The following NUP205 variants were observed in gnomAD, a reference collection of about 807,000 sequenced individuals.
NUP205 encodes nucleoporin 205, also known as nuclear pore complex protein Nup205.
A neutral mutation model predicts 253.8 loss-of-function variants in NUP205; 76 were observed. The observed-to-expected ratio is 0.30, with a 90% confidence interval of 0.25 to 0.36. The LOEUF is 0.36. NUP205 is among the 10% of genes least tolerant of loss of function. NUP205 has a pLI of 1.00. For synonymous variants in NUP205, 832 were observed against 850.1 expected (o/e 0.98, Z 0.37); for missense variants, 2,162 against 2,425.5 (o/e 0.89, Z 2.28).
At chr7:135,647,087 AGAAT>A (rs1333299523) in intron 42 of NUP205, among the ~76,000 whole-genome samples, 1 of 152,276 alleles carries the variant, frequency 6.6e-6, no homozygotes, top group Non-Finnish European at 1.5e-5. Flanking sequence ...CAGTAGTGTT[AGAAT>A]GAATGAAGAG....
At chr7:135,599,215 C>A (rs1036006960) in intron 15 of NUP205, among the ~76,000 whole-genome samples, 5 of 152,020 alleles carry the variant, frequency 3.3e-5, no homozygotes, top group Non-Finnish European at 7.4e-5. Context: ...GGATTTTTTT[C>A]ATGTCCTAAG....
intron 42 of NUP205, among the ~76,000 whole-genome samples, chr7:135,647,210 C>G (rs2129492741): frequency 6.6e-6 from 1 of 152,352 alleles, no homozygotes; most frequent in South Asian, 2.1e-4. Flanking sequence ...TGAATTACAG[C>G]TAGATCCTCT....
intron 15 of NUP205, chr7:135,598,792 T>A (rs1312309997): frequency 6.6e-6 from 1 of 152,642 alleles, no homozygotes; most frequent in Non-Finnish European, 1.5e-5. Flanking sequence ...ATTCCCATTT[T>A]ACAGATGGAG....
At chr7:135,639,365 A>G (rs1212690754) in intron 38 of NUP205, among the ~76,000 whole-genome samples, 1 of 152,224 alleles carries the variant, frequency 6.6e-6, no homozygotes, top group Non-Finnish European at 1.5e-5. Context: ...TGTGTTTAGT[A>G]TAATAATAGT....
At chr7:135,599,424 CACTTT>C (rs1320586008) in intron 15 of NUP205, among the ~76,000 whole-genome samples, 2 of 152,022 alleles carry the variant, frequency 1.3e-5, no homozygotes, top group Non-Finnish European at 2.9e-5. Context: ...GTGGGGTATA[CACTTT>C]ACTTAGGCTC....
chr7:135,607,559 T>A (rs1563126325), intron 22 of NUP205, among the ~76,000 whole-genome samples, 188 bp downstream of exon 22: 1 of 152,208 alleles, frequency 6.6e-6, no homozygotes, highest in Non-Finnish European at 1.5e-5. Flanking sequence ...GACCCAAATC[T>A]TATGTTAATC....
At position 135,600,952 on chromosome 7, in the gene NUP205, A is replaced by G. The variant is rs781475902; in HGVS notation, c.2357A>G (p.Gln786Arg). The G allele has an allele frequency of 6.2e-7, 1 of 1,601,420 alleles. No homozygotes were observed. The highest frequency in any genetic ancestry group is 2.2e-5 in the East Asian group (1 of 44,678). ...YEPQLEDFVD[Q>R]FVELQGEEII... is the part of the protein sequence containing the mutation. ...CCTCAGCTTGAAGATTTTGTAGACCAGTTTGTGGAACTACAAGGTAATTTA... is the reference window on the plus strand; with the variant it reads ...CCTCAGCTTGAAGATTTTGTAGACCGGTTTGTGGAACTACAAGGTAATTTA... Residue 786 changes from glutamine (Q) to arginine (R), a missense_variant, in exon 16 of 43, where the codon CAG (glutamine) becomes CGG (arginine). Physicochemically the swap from Gln to Arg is conservative, Grantham distance 43 (BLOSUM62 1). Around this residue, in one of 5 missense-constraint regions of NUP205, gnomAD observed 892 missense variants for 957.1 expected, o/e 0.93. Coordinates refer to ENST00000285968, the MANE Select transcript of NUP205 (RefSeq NM_015135.3).
In NUP205 at chr7:135,637,926, G is replaced by T. The variant is rs775997329; in HGVS notation, c.5137-5G>T. 5 of 1,599,150 alleles carry T rather than the reference G, an allele frequency of 3.1e-6. No homozygotes were observed. The highest frequency in any genetic ancestry group is 3.4e-6 in the Non-Finnish European group (4 of 1,176,086). ...ACATTTAACAAGATATCTTTTTCTT[G>T]TTAGCGCCAGTGCTTAGGACTACTA... On this transcript the variant is annotated splice_polypyrimidine_tract_variant and splice_region_variant and intron_variant, in intron 36 of 42. Coordinates refer to ENST00000285968, the MANE Select transcript of NUP205 (RefSeq NM_015135.3).
At position 135,638,600 on chromosome 7, in the gene NUP205, A is replaced by G. The variant is rs1490445501; in HGVS notation, c.5309A>G (p.Gln1770Arg). ...VMEYCQSLML[Q>R]SSPTFQHAVC... ...GAATATTGCCAGTCACTCATGTTAC[A>G]GAGTTCCCCTACCTTCCAGCATGCT... Residue 1770 changes from glutamine (Q) to arginine (R), a missense_variant, in exon 38 of 43, where the codon CAG becomes CGG. By Grantham distance (43) the Gln-to-Arg change is conservative (BLOSUM62 1). Transcript: ENST00000285968. 12 of 1,613,868 alleles carry G rather than the reference A, an allele frequency of 7.4e-6. 1 individual carries two copies. The Admixed American group carries it at 1.8e-4, about 25-fold the overall frequency.
chr7:135,576,090 C>A (rs1806142062), intron 3 of NUP205, among the ~76,000 whole-genome samples, 180 bp from the exon 4 acceptor site: 1 of 152,074 alleles, frequency 6.6e-6, no homozygotes, highest in South Asian at 2.1e-4. Flanking sequence ...TTGGATGGCC[C>A]TCGAATATGT....
Position 135,597,518 on chromosome 7 carries a change from A to G in NUP205, c.2064+100A>G, listed in dbSNP as rs544981959. ...CCCTTTTACGTTTCCATAATTATCAAATTTAATGTATTTTTATTTGAAGGG... is the reference window on the plus strand; with the variant it reads ...CCCTTTTACGTTTCCATAATTATCAGATTTAATGTATTTTTATTTGAAGGG... On this transcript the variant is annotated intron_variant, in intron 14 of 42. Coordinates refer to ENST00000285968, the MANE Select transcript of NUP205 (RefSeq NM_015135.3). 107 of 704,130 alleles carry G rather than the reference A, an allele frequency of 1.5e-4. No homozygotes were observed. The African/African-American group carries it at 1.7e-3, about 11-fold the overall frequency. The allele number at this position is 704,130 out of a possible 1,614,324, so 43.6% of individuals were successfully genotyped here.
In NUP205 at chr7:135,580,136, T is replaced by C. The variant is rs1806264300; in HGVS notation, c.1042+1221T>C. Among the ~76,000 whole-genome samples the C allele has an allele frequency of 3.3e-5, 5 of 152,256 alleles. No individual in the cohort carries two copies. The South Asian group carries it at 1.0e-3, about 31-fold the overall frequency. ...AAAGGCTTTATTCAAGTTTACAATT[T>C]ATGTCAGTTTTCTAATCCTAAAGTA... On this transcript the variant is annotated intron_variant, in intron 7 of 42. Transcript: ENST00000285968.
chr7:135,563,190 TA>T (rs1417191497), intron 1 of NUP205, among the ~76,000 whole-genome samples: 5 of 152,102 alleles, frequency 3.3e-5, no homozygotes, highest in Admixed American at 6.6e-5. Flanking sequence ...TATTTTTATT[TA>T]TTTTTTTATT....
intron 1 of NUP205, among the ~76,000 whole-genome samples, chr7:135,561,178 C>T (rs1805570448): frequency 6.6e-6 from 1 of 151,948 alleles, no homozygotes; most frequent in Non-Finnish European, 1.5e-5. Context: ...AACCCTGTCT[C>T]TACAAAAATA....
At position 135,602,990 on chromosome 7, in the gene NUP205, G is replaced by A; in HGVS notation, c.2698G>A (p.Ala900Thr). ...GAAGGCAGATAATGTGGTAAACATT[G>A]CCAGGTAAGTTACCTTTGTAGGTAG... ...TKKADNVVNI[A>T]RYLYHGNTNP... The change falls in exon 18 of 43, where the codon GCC (alanine) becomes ACC (threonine). Residue 900 changes from alanine (A) to threonine (T), a missense_variant. Physicochemically the swap from Ala to Thr is moderately conservative, Grantham distance 58 (BLOSUM62 0). Transcript: ENST00000285968. The A allele has an allele frequency of 6.2e-7, 1 of 1,604,898 alleles. No individual in the cohort carries two copies. The highest frequency in any genetic ancestry group is 8.5e-7 in the Non-Finnish European group (1 of 1,173,782).
chr7:135,614,183 T>G lies in NUP205; in HGVS notation c.3220T>G (p.Ser1074Ala). 1 of 1,605,458 alleles carries G rather than the reference T, an allele frequency of 6.2e-7. No individual in the cohort carries two copies. Among genetic ancestry groups the G allele is most frequent in the Non-Finnish European group, 8.5e-7 (1 of 1,172,394 alleles). Residue 1074 changes from serine to alanine, a missense_variant, in exon 23 of 43, where the codon TCT becomes GCT. Physicochemically the swap from Ser to Ala is moderately conservative, Grantham distance 99. Coordinates refer to ENST00000285968, the MANE Select transcript of NUP205 (RefSeq NM_015135.3). Reference protein sequence around the residue: ...YQVIYQLCACSDTSGPTMRYL... With the variant: ...YQVIYQLCACADTSGPTMRYL... ...GGTCATATATCAGTTATGTGCATGC[T>G]CTGATACATCTGGTCCTACTATGAG...
chr7:135,634,331 G>T (rs1794769773), intron 35 of NUP205, among the ~76,000 whole-genome samples: 1 of 152,214 alleles, frequency 6.6e-6, no homozygotes, highest in African/African-American at 2.4e-5. Context: ...CTGAGAACTG[G>T]AAGTCCTTTT....
intron 33 of NUP205, among the ~76,000 whole-genome samples, chr7:135,626,706 A>G (rs1794598343): frequency 6.6e-6 from 1 of 152,172 alleles, no homozygotes. Flanking sequence ...ATTTCAGATT[A>G]TATATATATT....
chr7:135,576,034 T>G (rs1806140575), intron 3 of NUP205, among the ~76,000 whole-genome samples: 1 of 152,172 alleles, frequency 6.6e-6, no homozygotes, highest in Admixed American at 6.5e-5. Context: ...AATTGAGAGT[T>G]TGGAAAATGG....
Sources: allele counts gnomAD v4.1 joint callset (sites outside exome capture counted in the v4.1 genomes callset), GRCh38; gene constraint gnomAD v4.1.1; regional missense constraint gnomAD v4.1.1; transcripts MANE v1.5; gene names NCBI Gene and HGNC (gene_info 2026-07-23, HGNC 2026-07-21).